Variants in SERAC1 observed in about 807,000 individuals in gnomAD.
SERAC1 encodes the protein serine active site containing 1, also known as protein SERAC1.
A neutral mutation model predicts 85.7 loss-of-function variants in SERAC1; 36 were observed. The observed-to-expected ratio is 0.42, with a 90% CI of 0.32 to 0.55. The LOEUF is 0.55. Ranked by LOEUF, SERAC1 falls within the 20% of genes least tolerant of loss-of-function variation. SERAC1 has a pLI of 0.11. For missense variants in SERAC1, 629 were observed against 796.2 expected, an observed-to-expected ratio of 0.79 and a Z score of 2.53; for synonymous variants, 242 against 265.3, an observed-to-expected ratio of 0.91 and a Z score of 0.85.
rs1784331604 is a variant in SERAC1, at chr6:158,117,962, A to C, written c.1309-141T>G. 3.1e-6 allele frequency: 2 copies of C among 652,894 alleles called. No individual in the cohort carries two copies. Among genetic ancestry groups the C allele is most frequent in the African/African-American group, 3.6e-5 (2 of 54,934 alleles). The allele number at this position is 652,894 out of a possible 1,614,324, so 40.4% of individuals were successfully genotyped here. ...GGAATAAGGTTTGAAGGTACCGTAAAAACAATTCCAGCACTATCTTTTCAA... is the reference window on the plus strand; with the variant it reads ...GGAATAAGGTTTGAAGGTACCGTAACAACAATTCCAGCACTATCTTTTCAA... On this transcript the variant is annotated intron_variant, in intron 12 of 16. Coordinates refer to ENST00000647468, the MANE Select transcript of SERAC1 (RefSeq NM_032861.4). The surrounding 1 kb of genome is among the most constrained non-coding windows in gnomAD (Gnocchi z 4.3).
rs1319454868 is a variant in SERAC1 at position 158,120,868 on chromosome 6, G to A, written c.1016-293C>T. Among the ~76,000 whole-genome samples the A allele has an allele frequency of 1.3e-5, 2 of 152,084 alleles. No homozygotes were observed. The highest frequency in any genetic ancestry group is 2.9e-5 in the Non-Finnish European group (2 of 68,028). Reference sequence around the variant, plus strand: ...ACCAATTATAGAGGTGTTCATAGCAGTTATAGAGGTGTTCACAAAAGTGAA... The same window carrying A: ...ACCAATTATAGAGGTGTTCATAGCAATTATAGAGGTGTTCACAAAAGTGAA... On this transcript the variant is annotated intron_variant, in intron 10 of 16. Coordinates refer to ENST00000647468, the MANE Select transcript of SERAC1 (RefSeq NM_032861.4). This position sits in a 1 kb window ranked among gnomAD's most constrained non-coding sequence, Gnocchi z 4.4.
chr6:158,112,373 AC>A (rs1370794415), intron 16 of SERAC1: 1 of 152,176 alleles, frequency 6.6e-6, no homozygotes, highest in Non-Finnish European at 1.5e-5. Context: ...TGATTATACC[AC>A]TGAACTCCAG....
intron 15 of SERAC1, 101 bp downstream of exon 15, chr6:158,114,688 T>TTATAAAATGAGATAACACATTCAAGGAA: frequency 7.0e-7 from 1 of 1,434,954 alleles, no homozygotes; most frequent in Non-Finnish European, 9.5e-7. Flanking sequence ...TATATACAAA[T>TTATAAAATGAGATAACACATTCAAGGAA]TATAAAATGA....
At chr6:158,144,458 TA>T in intron 6 of SERAC1, 38 bp from the exon 7 acceptor site, 2 of 1,530,770 alleles carry the variant, frequency 1.3e-6, no homozygotes. Flanking sequence ...ATACCAAAAC[TA>T]GCTGACAGAT....
chr6:158,140,227 G>C (rs901880893), intron 8 of SERAC1, among the ~76,000 whole-genome samples: 1 of 152,176 alleles, frequency 6.6e-6, no homozygotes, highest in Non-Finnish European at 1.5e-5. Flanking sequence ...TTTCAGGAAG[G>C]GGGCTGGTGG....
rs1784305913 is a variant in SERAC1, at chr6:158,117,034, G to A, written c.1403+693C>T. The A allele has an allele frequency of 6.5e-6, 1 of 154,270 alleles. No homozygotes were observed. Among genetic ancestry groups the A allele is most frequent in the African/African-American group, 2.4e-5 (1 of 41,448 alleles). 9.6% of individuals were successfully genotyped at this position (154,270 alleles called of 1,614,324 possible). ...GGTAGTTTCAAACTGTTTATTTGTA[G>A]ACACATTTCTTCAAAATAAAGGTTC... On this transcript the variant is annotated intron_variant, in intron 13 of 16. Transcript: ENST00000647468. This position sits in a 1 kb window ranked among gnomAD's most constrained non-coding sequence, Gnocchi z 4.3.
chr6:158,150,843 AGTAGCCATC>A (rs767338094), intron 3 of SERAC1, among the ~76,000 whole-genome samples: 6 of 152,234 alleles, frequency 3.9e-5, no homozygotes, highest in Non-Finnish European at 8.8e-5. Flanking sequence ...CTAGTGACTG[AGTAGCCATC>A]GTAACACATT....
At position 158,143,041 on chromosome 6, in the gene SERAC1, A is replaced by T; in HGVS notation, c.738+15T>A. The stretch of plus-strand genomic sequence containing the variant: ...GACACTCAAAAATATTTACTGAATG[A>T]ATACATGAACTAACCTTCTGAGCAG... On this transcript the variant is annotated intron_variant, in intron 8 of 16. Coordinates refer to ENST00000647468, the MANE Select transcript of SERAC1 (RefSeq NM_032861.4). The T allele has an allele frequency of 1.3e-6, 2 of 1,596,356 alleles. No homozygotes were observed. The highest frequency in any genetic ancestry group is 1.7e-6 in the Non-Finnish European group (2 of 1,170,288).
chr6:158,148,952 T>C lies in SERAC1; in HGVS notation c.268A>G (p.Ile90Val). The C allele has an allele frequency of 1.9e-6, 3 of 1,596,644 alleles. No individual in the cohort carries two copies. Among genetic ancestry groups the C allele is most frequent in the Non-Finnish European group, 1.7e-6 (2 of 1,169,412 alleles). Residue 90 changes from isoleucine to valine, a missense_variant and splice_region_variant, in exon 5 of 17, where the codon ATT becomes GTT. Coordinates refer to ENST00000647468, the MANE Select transcript of SERAC1 (RefSeq NM_032861.4). Reference protein sequence around the residue: ...VSLDKGENHGIAWQARKELHK... With the variant: ...VSLDKGENHGVAWQARKELHK... Reference sequence around the variant, plus strand: ...AGTTCTTTTCTTGCCTGCCAGGCAATACCTAAAATGATTATAAAATTAAGT... The same window carrying C: ...AGTTCTTTTCTTGCCTGCCAGGCAACACCTAAAATGATTATAAAATTAAGT...
intron 10 of SERAC1, among the ~76,000 whole-genome samples, chr6:158,124,910 T>C (rs1202747710): frequency 6.6e-6 from 1 of 152,026 alleles, no homozygotes. Context: ...GTGGACCCAA[T>C]ACACAAGAAA....
chr6:158,124,509 AC>A (rs1263607633), intron 10 of SERAC1, among the ~76,000 whole-genome samples: 1 of 152,198 alleles, frequency 6.6e-6, no homozygotes, highest in Middle Eastern at 3.2e-3. Flanking sequence ...TGTTCTCACC[AC>A]AAAAAATGAT....
intron 1 of SERAC1, among the ~76,000 whole-genome samples, chr6:158,162,608 T>C (rs1174873004): frequency 2.0e-5 from 3 of 152,206 alleles, no homozygotes; most frequent in Non-Finnish European, 2.9e-5. Context: ...ATTTTTAAAG[T>C]CTAACCTTCA....
chr6:158,157,209 C>G (rs1232180705), intron 2 of SERAC1, among the ~76,000 whole-genome samples: 2 of 151,846 alleles, frequency 1.3e-5, no homozygotes, highest in Non-Finnish European at 2.9e-5. Flanking sequence ...GTTGACCAGG[C>G]TGGTCTTGAA....
rs1235298592 is a variant in SERAC1 at position 158,144,432 on chromosome 6, G to C, written c.488-12C>G. ...CCTATACTGGTAATCTATTGAAAAAGCATTTTCTTTTGTTAATACCAAAAC... is the reference window on the plus strand; with the variant it reads ...CCTATACTGGTAATCTATTGAAAAACCATTTTCTTTTGTTAATACCAAAAC... On this transcript the variant is annotated splice_polypyrimidine_tract_variant and intron_variant, in intron 6 of 16. Coordinates refer to ENST00000647468, the MANE Select transcript of SERAC1 (RefSeq NM_032861.4). The C allele has an allele frequency of 6.5e-7, 1 of 1,546,482 alleles. No individual in the cohort carries two copies. Among genetic ancestry groups the C allele is most frequent in the East Asian group, 2.3e-5 (1 of 43,022 alleles).
At chr6:158,164,447 C>T (rs1390844563) in intron 1 of SERAC1, among the ~76,000 whole-genome samples, 2 of 151,938 alleles carry the variant, frequency 1.3e-5, no homozygotes, top group Admixed American at 6.6e-5. Context: ...GGCAGTCCAG[C>T]CTGGGCGACA....
In SERAC1 at chr6:158,128,367, C is replaced by T. The variant is rs1583573499; in HGVS notation, c.853-97G>A. 5.0e-6 allele frequency: 6 copies of T among 1,195,548 alleles called. No homozygotes were observed. The East Asian group carries it at 1.4e-4, about 28-fold the overall frequency. The allele number at this position is 1,195,548 out of a possible 1,614,324, so 74.1% of individuals were successfully genotyped here. On this transcript the variant is annotated intron_variant, in intron 9 of 16. Transcript: ENST00000647468. ...CATGGGGACAGCTAGGTAGCTCCCACTCAAGGGCAGGGATGCAGGGAGACT... is the reference window on the plus strand; with the variant it reads ...CATGGGGACAGCTAGGTAGCTCCCATTCAAGGGCAGGGATGCAGGGAGACT...
intron 1 of SERAC1, among the ~76,000 whole-genome samples, chr6:158,163,943 G>C (rs912328424): frequency 6.6e-6 from 1 of 151,698 alleles, no homozygotes; most frequent in Non-Finnish European, 1.5e-5. Context: ...CACCATCTTG[G>C]CCAGGCTGGT....
Position 158,149,338 on chromosome 6 carries a change from G to C in SERAC1, c.266-384C>G, listed in dbSNP as rs375194411. 5.9e-5 allele frequency among the ~76,000 whole-genome samples: 9 copies of C among 152,290 alleles called. No individual in the cohort carries two copies. The East Asian group carries it at 9.6e-4, about 16-fold the overall frequency. On this transcript the variant is annotated intron_variant, in intron 4 of 16. Transcript: ENST00000647468. ...ATGCTCCAACGTTTCAAAGAGATAT[G>C]TATAAACTCCATATTTTTTCACAAA...
Position 158,117,382 on chromosome 6 carries a change from T to C in SERAC1, c.1403+345A>G. 1 of 779,614 alleles carries C rather than the reference T, an allele frequency of 1.3e-6. No homozygotes were observed. Among genetic ancestry groups the C allele is most frequent in the Non-Finnish European group, 2.0e-6 (1 of 496,728 alleles). The allele number at this position is 779,614 out of a possible 1,614,324, so 48.3% of individuals were successfully genotyped here. On this transcript the variant is annotated intron_variant, in intron 13 of 16. Coordinates refer to ENST00000647468, the MANE Select transcript of SERAC1 (RefSeq NM_032861.4). This position sits in a 1 kb window ranked among gnomAD's most constrained non-coding sequence, Gnocchi z 4.3. The stretch of plus-strand genomic sequence containing the variant: ...TATTTCTCAGCATCTTTCTCTTTGC[T>C]TCCTTTAGCCAGTATGATTGTGGAC...
Sources: gnomAD v4.1 joint callset for allele counts (sites outside exome capture counted in the v4.1 genomes callset) on GRCh38, gnomAD v4.1.1 for gene constraint, Gnocchi (gnomAD v3.1) non-coding constraint, MANE v1.5 for transcripts, NCBI Gene and HGNC (gene_info 2026-07-23, HGNC 2026-07-21) for gene names.